The following MAP3K1 variants were observed in gnomAD, a reference collection of about 807,000 sequenced individuals.
MAP3K1 encodes MAP/ERK kinase kinase 1.
MAP3K1 carries 36 observed loss-of-function variants against 144.2 expected under a neutral mutation model. The ratio of observed to expected loss-of-function variants is 0.25; its 90% confidence interval spans 0.19 to 0.33. The LOEUF (loss-of-function observed/expected upper bound fraction) is 0.33. Among genes scored for constraint, MAP3K1 ranks in the 10% least tolerant of loss-of-function variants. The probability of loss-of-function intolerance (pLI) is 1.00; values close to 1 mark genes in which losing one functional copy is unlikely to be tolerated. For synonymous variants in MAP3K1, 718 were observed against 688.7 expected (o/e 1.04, Z -0.67); for missense variants, 1,650 against 1,881.9 (o/e 0.88, Z 2.28).
intron 1 of MAP3K1, among the ~76,000 whole-genome samples, chr5:56,816,617 C>A (rs1326740589): frequency 6.6e-6 from 1 of 152,130 alleles, no homozygotes; most frequent in Non-Finnish European, 1.5e-5. Flanking sequence ...GACTCGAGTC[C>A]CTAGGCAGAT....
Position 56,865,949 on chromosome 5 carries a change from A to G in MAP3K1, c.1273A>G (p.Ser425Gly). ...MSNSHTLSSS[S>G]TSTSSSENSI... is the part of the protein sequence containing the mutation. ...AAATTCTCATACATTGTCATCATCT[A>G]GTACTTCTACGTCTAGTTCAGAAAA... Residue 425 changes from serine to glycine, a missense_variant, in exon 6 of 20, where the codon AGT (serine) becomes GGT (glycine). Transcript: ENST00000399503. 1 of 1,612,090 alleles carries G rather than the reference A, an allele frequency of 6.2e-7. No homozygotes were observed. Among genetic ancestry groups the G allele is most frequent in the South Asian group, 1.1e-5 (1 of 91,036 alleles).
chr5:56,821,544 A>T (rs556128257), intron 1 of MAP3K1, among the ~76,000 whole-genome samples: 1 of 152,298 alleles, frequency 6.6e-6, no homozygotes, highest in South Asian at 2.1e-4. Flanking sequence ...CTCTTGACAG[A>T]TGTTATCATT....
At position 56,879,399 on chromosome 5, in the gene MAP3K1, A is replaced by G. The variant is rs33322; in HGVS notation, c.2087+298A>G. ...GACCAGTCGATAAGAACAGTAGTTG[A>G]CATTTATATCTATAAGTTATAATCT... On this transcript the variant is annotated intron_variant, in intron 11 of 19. Coordinates refer to ENST00000399503, the MANE Select transcript of MAP3K1 (RefSeq NM_005921.2). 0.77 allele frequency among the ~76,000 whole-genome samples: 117,670 copies of G among 152,076 alleles called. 45,881 individuals carry two copies. The highest frequency in any genetic ancestry group is 0.82 in the Non-Finnish European group (55,790 of 67,980).
chr5:56,888,624 T>C (rs1320902042), intron 19 of MAP3K1, among the ~76,000 whole-genome samples: 1 of 152,222 alleles, frequency 6.6e-6, no homozygotes. Context: ...TGCTAGGCAG[T>C]GGCAGCGAGT....
chr5:56,886,737 A>T (rs527376961), intron 17 of MAP3K1, among the ~76,000 whole-genome samples: 2 of 152,028 alleles, frequency 1.3e-5, no homozygotes, highest in East Asian at 3.9e-4. Flanking sequence ...AATTCCTTCA[A>T]ATCCTTTGTA....
intron 12 of MAP3K1, 81 bp from the exon 13 acceptor site, chr5:56,881,002 C>CT: frequency 7.9e-7 from 1 of 1,264,704 alleles, no homozygotes; most frequent in Non-Finnish European, 1.1e-6. Context: ...TTTTGTTGGC[C>CT]TTACACCATT....
chr5:56,865,821 A>G lies in MAP3K1; in HGVS notation c.1153-8A>G. ...AATATCATTGTTACTGTCTTTTTCC[A>G]ATGTTAGGTTGAGAGTTTGTTCCAG... On this transcript the variant is annotated splice_region_variant and splice_polypyrimidine_tract_variant and intron_variant, in intron 5 of 19. Coordinates refer to ENST00000399503, the MANE Select transcript of MAP3K1 (RefSeq NM_005921.2). The G allele has an allele frequency of 1.4e-5, 23 of 1,613,874 alleles. No homozygotes were observed. The highest frequency in any genetic ancestry group is 1.9e-5 in the Non-Finnish European group (23 of 1,179,776).
chr5:56,884,484 C>T (rs1169700985), intron 15 of MAP3K1, among the ~76,000 whole-genome samples, 180 bp from the exon 16 acceptor site: 3 of 152,146 alleles, frequency 2.0e-5, no homozygotes, highest in Non-Finnish European at 4.4e-5. Context: ...ATGTTTACTG[C>T]TGCTTAAGCT....
chr5:56,889,295 G>C (rs1748477029), intron 19 of MAP3K1, among the ~76,000 whole-genome samples: 1 of 149,376 alleles, frequency 6.7e-6, no homozygotes, highest in Non-Finnish European at 1.5e-5. Context: ...CAGCCTCCCA[G>C]GTAGCTGAGA....
intron 6 of MAP3K1, among the ~76,000 whole-genome samples, chr5:56,867,507 A>G (rs1307840615): frequency 6.6e-6 from 1 of 152,186 alleles, no homozygotes; most frequent in Non-Finnish European, 1.5e-5. Flanking sequence ...AATATCCACC[A>G]AAAAAGAATT....
chr5:56,888,801 T>C (rs1239021488), intron 19 of MAP3K1, among the ~76,000 whole-genome samples: 1 of 152,192 alleles, frequency 6.6e-6, no homozygotes, highest in Non-Finnish European at 1.5e-5. Flanking sequence ...GTGTATTAAC[T>C]GCATTTTCAA....
chr5:56,880,781 G>A lies in MAP3K1; in HGVS notation c.2158G>A (p.Gly720Ser). The change falls in exon 12 of 20, where the codon GGC (glycine) becomes AGC (serine). Residue 720 changes from glycine (G) to serine (S), a missense_variant. Physicochemically the swap from Gly to Ser is moderately conservative, Grantham distance 56 (BLOSUM62 0). This residue lies in a region of MAP3K1 where 841 missense variants were observed against 886.5 expected (regional missense o/e 0.95). Coordinates refer to ENST00000399503, the MANE Select transcript of MAP3K1 (RefSeq NM_005921.2). ...AGGCCAAGCAGGAGAGTTGGCAGTT[G>A]GCAGAGAAATACTAAAAGCTGGTAA... ...CKGQAGELAV[G>S]REILKAGSIG... 6.2e-7 allele frequency: 1 copy of A among 1,613,434 alleles called. No individual in the cohort carries two copies. Among genetic ancestry groups the A allele is most frequent in the Non-Finnish European group, 8.5e-7 (1 of 1,179,594 alleles).
rs543195080 is a variant in MAP3K1, at chr5:56,846,472, T to TA, written c.483-10127dup. Among the ~76,000 whole-genome samples the TA allele has an allele frequency of 5.9e-5, 9 of 152,368 alleles. No homozygotes were observed. The East Asian group carries it at 1.3e-3, about 23-fold the overall frequency. On this transcript the variant is annotated intron_variant, in intron 1 of 19. Coordinates refer to ENST00000399503, the MANE Select transcript of MAP3K1 (RefSeq NM_005921.2). ...AATAATTGTACCTGACTCAAATTGATAGTCTTCTAGGATTTTCATTCGCTA... is the reference window on the plus strand; with the variant it reads ...AATAATTGTACCTGACTCAAATTGATAAGTCTTCTAGGATTTTCATTCGCTA...
intron 6 of MAP3K1, among the ~76,000 whole-genome samples, chr5:56,868,778 T>C (rs1337619484): frequency 1.3e-5 from 2 of 152,188 alleles, no homozygotes; most frequent in Non-Finnish European, 2.9e-5. Context: ...AGTGGAAAAT[T>C]ATGATGGCAT....
intron 1 of MAP3K1, chr5:56,820,414 A>G (rs913029674): frequency 2.0e-6 from 2 of 984,196 alleles, no homozygotes; most frequent in African/African-American, 3.5e-5. Context: ...TTTGTTTTGC[A>G]GGCATTCTAA....
chr5:56,829,521 T>C (rs570886301), intron 1 of MAP3K1, among the ~76,000 whole-genome samples: 1 of 152,196 alleles, frequency 6.6e-6, no homozygotes, highest in Non-Finnish European at 1.5e-5. Flanking sequence ...GAACTGAAAC[T>C]GTTCATAATT....
intron 1 of MAP3K1, among the ~76,000 whole-genome samples, chr5:56,844,882 A>G (rs1403947879): frequency 2.6e-5 from 4 of 152,224 alleles, no homozygotes. Context: ...TGCATTTGTC[A>G]GGAAGTCATT....
Position 56,882,130 on chromosome 5 carries a change from A to G in MAP3K1, c.2930A>G (p.Gln977Arg), listed in dbSNP as rs918565531. Residue 977 changes from glutamine (Q) to arginine (R), a missense_variant, in exon 14 of 20, where the codon CAA becomes CGA. Gln to Arg is a conservative substitution (Grantham distance 43). Coordinates refer to ENST00000399503, the MANE Select transcript of MAP3K1 (RefSeq NM_005921.2). ...LNSSPLSHHSQLMFPALSTPS... is the reference protein window; with the variant it reads ...LNSSPLSHHSRLMFPALSTPS... ...TCCTCTCCTTTATCTCATCATTCCC[A>G]ATTAATGTTTCCAGCCTTGTCAACC... The G allele has an allele frequency of 1.9e-6, 3 of 1,613,924 alleles. No individual in the cohort carries two copies. Among genetic ancestry groups the G allele is most frequent in the Admixed American group, 3.3e-5 (2 of 59,962 alleles).
At chr5:56,879,130 A>C in intron 11 of MAP3K1, 29 bp downstream of exon 11, 1 of 1,613,540 alleles carries the variant, frequency 6.2e-7, no homozygotes, top group Non-Finnish European at 8.5e-7. Flanking sequence ...ATCACTTCAA[A>C]CCCTCTTGTC....
Sources: gnomAD v4.1 joint callset for allele counts (sites outside exome capture counted in the v4.1 genomes callset) on GRCh38, gnomAD v4.1.1 for gene constraint, gnomAD v4.1.1 regional missense constraint, MANE v1.5 for transcripts, NCBI Gene and HGNC (gene_info 2026-07-23, HGNC 2026-07-21) for gene names.